Variants in JADE3 observed in about 807,000 individuals in gnomAD.
JADE3 encodes protein Jade-3.
In JADE3, 2 loss-of-function variants were observed where a neutral mutation model predicts 50.1. That is an observed-to-expected ratio of 0.04 (90% CI 0.02 to 0.13). JADE3 has a LOEUF of 0.13. Ranked by LOEUF, JADE3 falls within the 10% of genes least tolerant of loss-of-function variation. JADE3 has a pLI of 1.00. For missense variants in JADE3, 475 were observed against 634.4 expected (o/e 0.75, Z 2.70); for synonymous variants, 218 against 232.9 (o/e 0.94, Z 0.58).
At chrX:46,991,385 C>T (rs1556355918) in intron 3 of JADE3, among the ~76,000 whole-genome samples, 1 of 109,559 alleles carries the variant, frequency 9.1e-6, no homozygotes, top group African/African-American at 3.3e-5. Flanking sequence ...CACCTGGCCA[C>T]TTCATTTCTT....
At chrX:47,015,413 C>T (rs1382852417) in intron 4 of JADE3, among the ~76,000 whole-genome samples, 1 of 109,752 alleles carries the variant, frequency 9.1e-6, no homozygotes, top group Non-Finnish European at 1.9e-5. Context: ...AAAACCCCAT[C>T]TCTACCAAAA....
chrX:47,057,576 A>G (rs1464219047), intron 10 of JADE3, among the ~76,000 whole-genome samples: 1 of 111,228 alleles, frequency 9.0e-6, no homozygotes, highest in Non-Finnish European at 1.9e-5. Context: ...ATTTGTAGTC[A>G]GGAAATTATT....
chrX:46,978,093 A>G (rs1169284098), intron 1 of JADE3, among the ~76,000 whole-genome samples: 1 of 111,997 alleles, frequency 8.9e-6, no homozygotes, highest in Non-Finnish European at 1.9e-5. Context: ...TCTAGTGACA[A>G]CAGGGCTGAC....
At chrX:47,007,032 G>A (rs112038636) in intron 4 of JADE3, among the ~76,000 whole-genome samples, 1,813 of 108,633 alleles carry the variant, frequency 0.017, 51 homozygotes, top group African/African-American at 0.057. Flanking sequence ...TCGAACTCCT[G>A]GGCTCAAGCA....
intron 1 of JADE3, among the ~76,000 whole-genome samples, chrX:46,923,393 C>CTCTCTTTTTTT (rs1556338199): frequency 1.7e-4 from 2 of 11,525 alleles, no homozygotes; most frequent in Non-Finnish European, 2.0e-4. Flanking sequence ...CTCTCTCTCT[C>CTCTCTTTTTTT]TTTTTTTTTT....
At chrX:46,927,942 A>G (rs944763770) in intron 1 of JADE3, among the ~76,000 whole-genome samples, 2 of 112,096 alleles carry the variant, frequency 1.8e-5, no homozygotes, top group African/African-American at 3.2e-5. Flanking sequence ...CAGGCAGTGG[A>G]TGAAATTCAG....
intron 1 of JADE3, among the ~76,000 whole-genome samples, chrX:46,922,479 A>G (rs1407863156): frequency 9.2e-6 from 1 of 109,018 alleles, no homozygotes; most frequent in African/African-American, 3.3e-5. Flanking sequence ...CTGGGATTCT[A>G]ATTACAAGTG....
intron 1 of JADE3, among the ~76,000 whole-genome samples, chrX:46,927,576 T>G (rs1556339162): frequency 8.9e-6 from 1 of 112,126 alleles, no homozygotes; most frequent in Non-Finnish European, 1.9e-5. Context: ...ATTGCTATAT[T>G]TCATGTAAGA....
chrX:47,022,024 C>A (rs1928806598), intron 4 of JADE3, among the ~76,000 whole-genome samples: 1 of 112,110 alleles, frequency 8.9e-6, no homozygotes, highest in Non-Finnish European at 1.9e-5. Flanking sequence ...TAAATATATT[C>A]TCCTCTGTTT....
intron 10 of JADE3, 99 bp downstream of exon 10, chrX:47,056,298 C>A (rs1427607944): frequency 2.0e-6 from 1 of 488,162 alleles, no homozygotes; most frequent in Non-Finnish European, 3.5e-6. Context: ...ACTTAAAAAT[C>A]TTTTAAAATT....
chrX:47,010,170 G>A (rs1237664970), intron 4 of JADE3, among the ~76,000 whole-genome samples: 1 of 111,199 alleles, frequency 9.0e-6, no homozygotes, highest in Non-Finnish European at 1.9e-5. Context: ...TCATAAATGT[G>A]CAGCTTGCTT....
chrX:46,955,547 A>G (rs782041843), intron 1 of JADE3, among the ~76,000 whole-genome samples: 26 of 112,148 alleles, frequency 2.3e-4, no homozygotes, highest in Non-Finnish European at 4.3e-4. Context: ...TGATTGTGAA[A>G]TATTCCCAGG....
chrX:47,034,806 G>T (rs1331829047), intron 7 of JADE3, among the ~76,000 whole-genome samples: 3 of 104,532 alleles, frequency 2.9e-5, no homozygotes, highest in African/African-American at 1.1e-4. Flanking sequence ...TAGAGACGGG[G>T]TTTCACCGTG....
At chrX:46,951,270 C>T (rs1216265101) in intron 1 of JADE3, among the ~76,000 whole-genome samples, 1,939 of 90,681 alleles carry the variant, frequency 0.021, 54 homozygotes, top group African/African-American at 0.073. Context: ...TCAAGTGATC[C>T]GCCTGCCTCG....
chrX:47,037,830 A>G (rs1324031465), intron 7 of JADE3, among the ~76,000 whole-genome samples: 1 of 111,387 alleles, frequency 9.0e-6, no homozygotes, highest in Non-Finnish European at 1.9e-5. Flanking sequence ...CAGTTAAGTT[A>G]TTTTGACTAT....
At chrX:47,033,530 CA>C in intron 6 of JADE3, 90 bp from the exon 7 acceptor site, 6 of 707,818 alleles carry the variant, frequency 8.5e-6, no homozygotes, top group Non-Finnish European at 1.2e-5. Flanking sequence ...CTCCCAAAAG[CA>C]GAGGATACTC....
At chrX:47,015,902 A>G (rs1327563605) in intron 4 of JADE3, among the ~76,000 whole-genome samples, 3 of 109,236 alleles carry the variant, frequency 2.7e-5, no homozygotes, top group Non-Finnish European at 5.7e-5. Context: ...GCATCTTAAT[A>G]CAATGAAGTC....
At chrX:46,939,842 C>T (rs1926713774) in intron 1 of JADE3, among the ~76,000 whole-genome samples, 1 of 112,100 alleles carries the variant, frequency 8.9e-6, no homozygotes, top group African/African-American at 3.2e-5. Context: ...AGTCCATAAG[C>T]TAAGAATGGG....
intron 8 of JADE3, among the ~76,000 whole-genome samples, chrX:47,040,652 C>T (rs1929236755): frequency 8.9e-6 from 1 of 111,926 alleles, no homozygotes; most frequent in African/African-American, 3.2e-5. Flanking sequence ...CATCCCAAAA[C>T]CATCTCCCTC....
Sources: gnomAD v4.1 joint callset for allele counts (sites outside exome capture counted in the v4.1 genomes callset) on GRCh38, gnomAD v4.1.1 for gene constraint, MANE v1.5 for transcripts, NCBI Gene and HGNC (gene_info 2026-07-23, HGNC 2026-07-21) for gene names.